Variants in FARP1 observed in about 807,000 individuals in gnomAD.
FARP1 encodes the protein FERM, ARHGEF and pleckstrin domain-containing protein 1.
FARP1 carries 52 observed loss-of-function variants against 128.8 expected under a neutral mutation model. The observed-to-expected ratio is 0.40, with a 90% CI of 0.32 to 0.51. The LOEUF is 0.51. FARP1 is among the 20% of genes least tolerant of loss of function. The pLI, the probability that FARP1 is intolerant of heterozygous loss-of-function variation, is 0.45. For missense variants in FARP1, 1,333 were observed against 1,367.9 expected (o/e 0.97, Z 0.40); for synonymous variants, 580 against 551.8 (o/e 1.05, Z -0.72).
intron 2 of FARP1, among the ~76,000 whole-genome samples, chr13:98,276,736 T>C (rs549308905): frequency 6.6e-6 from 1 of 152,284 alleles, no homozygotes; most frequent in East Asian, 1.9e-4. Flanking sequence ...GAAGAATAAA[T>C]GAACCATAAT....
intron 2 of FARP1, among the ~76,000 whole-genome samples, chr13:98,318,499 C>G (rs1196754034): frequency 6.6e-6 from 1 of 152,212 alleles, no homozygotes; most frequent in South Asian, 2.1e-4. Context: ...GGATGGGGCA[C>G]AGTTTAGTCC....
chr13:98,356,316 TAC>T (rs1888639619), intron 3 of FARP1, among the ~76,000 whole-genome samples: 1 of 152,214 alleles, frequency 6.6e-6, no homozygotes, highest in Non-Finnish European at 1.5e-5. Context: ...GTGGTGTAAG[TAC>T]GGTTGTCTCT....
chr13:98,352,390 C>CT (rs1315622922), intron 3 of FARP1, among the ~76,000 whole-genome samples: 1 of 152,176 alleles, frequency 6.6e-6, no homozygotes, highest in Non-Finnish European at 1.5e-5. Flanking sequence ...TGACCAGTAA[C>CT]TGCCCCTTGA....
chr13:98,439,982 T>TG lies in FARP1; in HGVS notation c.2461dup (p.Val821GlyfsTer29). 4 of 1,588,122 alleles carry TG rather than the reference T, an allele frequency of 2.5e-6. No individual in the cohort carries two copies. The highest frequency in any genetic ancestry group is 2.3e-5 in the South Asian group (2 of 88,360). Reference sequence around the variant, plus strand: ...ACAGATTGAGGAGAGCGAAGACGAGTGGGGGGTGCCCCACTGCCTGACCCT... The same window carrying TG: ...ACAGATTGAGGAGAGCGAAGACGAGTGGGGGGGTGCCCCACTGCCTGACCCT... On this transcript the variant is annotated frameshift_variant, in exon 22 of 27. Coordinates refer to ENST00000319562, the MANE Select transcript of FARP1 (RefSeq NM_005766.4). LOFTEE classifies it high-confidence loss of function.
intron 5 of FARP1, among the ~76,000 whole-genome samples, chr13:98,371,586 C>T (rs1335376338): frequency 6.6e-6 from 1 of 151,940 alleles, no homozygotes; most frequent in East Asian, 1.9e-4. Context: ...CTCCATCACT[C>T]CCCACTTGGT....
intron 1 of FARP1, among the ~76,000 whole-genome samples, chr13:98,199,424 C>A (rs748417730): frequency 6.6e-6 from 1 of 152,154 alleles, no homozygotes; most frequent in Non-Finnish European, 1.5e-5. Flanking sequence ...ACTTTGTGTC[C>A]TATAGGGTGT....
chr13:98,251,371 T>C (rs961661572), intron 2 of FARP1, among the ~76,000 whole-genome samples: 1 of 152,174 alleles, frequency 6.6e-6, no homozygotes, highest in African/African-American at 2.4e-5. Flanking sequence ...TAGACGACTT[T>C]ATTTGCTTAA....
At chr13:98,207,705 A>G (rs557399495) in intron 1 of FARP1, among the ~76,000 whole-genome samples, 41 of 152,150 alleles carry the variant, frequency 2.7e-4, no homozygotes, top group African/African-American at 9.6e-4. Flanking sequence ...ACACCAAAGT[A>G]CGAAAAGTGC....
intron 2 of FARP1, among the ~76,000 whole-genome samples, chr13:98,219,817 C>T (rs1022453087): frequency 6.6e-6 from 1 of 152,076 alleles, no homozygotes; most frequent in Non-Finnish European, 1.5e-5. Flanking sequence ...AGGCACGCAT[C>T]ACCACACCTA....
In FARP1 at chr13:98,176,159, TTTC is replaced by T. The variant is rs1878003081; in HGVS notation, c.-24+32670_-24+32672del. The T allele has an allele frequency of 2.5e-6, 4 of 1,608,720 alleles. No homozygotes were observed. Among genetic ancestry groups the T allele is most frequent in the Non-Finnish European group, 3.4e-6 (4 of 1,175,468 alleles). The stretch of plus-strand genomic sequence containing the variant: ...CCCAGTGTACATACAGACTTGAGTC[TTTC>T]TTATCTCTTTTTTCCTAAAAGAACA... On this transcript the variant is annotated intron_variant, in intron 1 of 26. Transcript: ENST00000319562. This position sits in a 1 kb window ranked among gnomAD's most constrained non-coding sequence, Gnocchi z 6.2.
chr13:98,153,295 T>A (rs370265508), intron 1 of FARP1, among the ~76,000 whole-genome samples: 762 of 8,868 alleles, frequency 0.086, 16 homozygotes, highest in Non-Finnish European at 0.095. Flanking sequence ...AAAATATATA[T>A]AAATATATTT....
intron 2 of FARP1, among the ~76,000 whole-genome samples, chr13:98,303,742 G>C (rs1485224335): frequency 2.0e-5 from 3 of 152,146 alleles, no homozygotes; most frequent in Non-Finnish European, 2.9e-5. Context: ...GCCTCAATTA[G>C]TAAAATCGAT....
chr13:98,307,427 C>G (rs1886216257), intron 2 of FARP1, among the ~76,000 whole-genome samples: 1 of 152,132 alleles, frequency 6.6e-6, no homozygotes, highest in South Asian at 2.1e-4. Context: ...CCACCCCAGC[C>G]TTCCTTGACC....
At chr13:98,439,291 T>C in intron 21 of FARP1, 95 bp downstream of exon 21, 1 of 821,254 alleles carries the variant, frequency 1.2e-6, no homozygotes, top group African/African-American at 1.7e-5. Flanking sequence ...GGAGACTGGA[T>C]AGGGAGGGAG....
chr13:98,453,336 A>G lies in FARP1; in HGVS notation c.*5019A>G, dbSNP rs1594563715. 2.2e-5 allele frequency: 20 copies of G among 906,480 alleles called. No individual in the cohort carries two copies. In the East Asian group the frequency reaches 4.5e-4, roughly 20 times the overall value. The allele number at this position is 906,480 out of a possible 1,614,324, so 56.2% of individuals were successfully genotyped here. A position where few individuals can be genotyped will look rare whatever the true frequency, so the allele number is the denominator to read the frequency against. On this transcript the variant is annotated 3_prime_UTR_variant, in exon 27 of 27. Coordinates refer to ENST00000319562, the MANE Select transcript of FARP1 (RefSeq NM_005766.4). ...AGTCATACAAAAATAAGTGGAGCAA[A>G]TATCAATGTGTAAGTCTAATTTTAA...
intron 2 of FARP1, among the ~76,000 whole-genome samples, chr13:98,247,923 T>C (rs140802109): frequency 9.2e-5 from 14 of 152,296 alleles, no homozygotes; most frequent in African/African-American, 3.1e-4. Flanking sequence ...GGACACTTGA[T>C]CAGCAGTCGT....
At chr13:98,334,916 T>C (rs1411156168) in intron 2 of FARP1, among the ~76,000 whole-genome samples, 1 of 152,184 alleles carries the variant, frequency 6.6e-6, no homozygotes, top group Non-Finnish European at 1.5e-5. Context: ...AACATCAATT[T>C]CTATTGTTTA....
At chr13:98,297,498 C>T (rs1168311909) in intron 2 of FARP1, among the ~76,000 whole-genome samples, 1 of 152,190 alleles carries the variant, frequency 6.6e-6, no homozygotes, top group Non-Finnish European at 1.5e-5. Flanking sequence ...GGAATTTTAA[C>T]ACAGCCTAGA....
intron 2 of FARP1, among the ~76,000 whole-genome samples, chr13:98,306,014 G>A (rs1886138080): frequency 6.6e-6 from 1 of 152,168 alleles, no homozygotes; most frequent in Non-Finnish European, 1.5e-5. Context: ...CTATCCATGT[G>A]CAGAGACCCA....
Sources: allele counts gnomAD v4.1 joint callset (sites outside exome capture counted in the v4.1 genomes callset), GRCh38; gene constraint gnomAD v4.1.1; non-coding constraint Gnocchi (gnomAD v3.1); transcripts MANE v1.5; gene names NCBI Gene and HGNC (gene_info 2026-07-23, HGNC 2026-07-21).